CDK8: variants seen among roughly 807,000 people sequenced by gnomAD.
The protein encoded by CDK8 is cyclin dependent kinase 8.
A neutral mutation model predicts 71.5 loss-of-function variants in CDK8; 29 were observed. That is an observed-to-expected ratio of 0.41 (90% CI 0.30 to 0.55). The LOEUF (loss-of-function observed/expected upper bound fraction) is 0.55, where lower values mean the gene tolerates loss of function less well. Ranked by LOEUF, CDK8 falls within the 20% of genes least tolerant of loss-of-function variation. CDK8 has a pLI of 0.37. For synonymous variants in CDK8, 161 were observed against 192.1 expected (o/e 0.84, Z 1.34); for missense variants, 288 against 572.6 (o/e 0.50, Z 5.07).
At chr13:26,333,846 A>G (rs1221332611) in intron 1 of CDK8, among the ~76,000 whole-genome samples, 2 of 152,206 alleles carry the variant, frequency 1.3e-5, no homozygotes, top group African/African-American at 4.8e-5. Flanking sequence ...GTAACCATTC[A>G]TTTAATCTGA....
intron 1 of CDK8, among the ~76,000 whole-genome samples, chr13:26,322,787 T>C (rs563848458): frequency 5.3e-5 from 8 of 152,190 alleles, no homozygotes; most frequent in Non-Finnish European, 1.2e-4. Flanking sequence ...GCTTGTTGCA[T>C]GGTTTTTCTG....
intron 1 of CDK8, among the ~76,000 whole-genome samples, chr13:26,266,886 T>A (rs1427062420): frequency 2.6e-5 from 4 of 152,216 alleles, no homozygotes; most frequent in Non-Finnish European, 5.9e-5. Context: ...TTTTTCTTTT[T>A]CTGATTATAA....
At chr13:26,330,615 C>G (rs555708776) in intron 1 of CDK8, among the ~76,000 whole-genome samples, 101 of 148,712 alleles carry the variant, frequency 6.8e-4, no homozygotes, top group Non-Finnish European at 1.4e-3. Flanking sequence ...TTTTTCCACT[C>G]TTCCTTCACG....
chr13:26,267,639 A>G (rs1263228195), intron 1 of CDK8, among the ~76,000 whole-genome samples: 1 of 152,218 alleles, frequency 6.6e-6, no homozygotes, highest in Non-Finnish European at 1.5e-5. Flanking sequence ...GGAGATCTAT[A>G]TCAGCACCTG....
At chr13:26,341,928 A>G (rs1873256185) in intron 2 of CDK8, among the ~76,000 whole-genome samples, 2 of 148,516 alleles carry the variant, frequency 1.3e-5, no homozygotes, top group Non-Finnish European at 3.0e-5. Context: ...TCTGTTTTCA[A>G]TTTTTTTTTT....
intron 4 of CDK8, among the ~76,000 whole-genome samples, chr13:26,365,980 A>G (rs1243238602): frequency 2.0e-5 from 3 of 152,132 alleles, no homozygotes; most frequent in Admixed American, 6.5e-5. Context: ...TGTGAAAAAA[A>G]ACCATAAAAA....
chr13:26,294,206 A>G (rs1593244981), intron 1 of CDK8, among the ~76,000 whole-genome samples: 2 of 151,528 alleles, frequency 1.3e-5, no homozygotes, highest in Non-Finnish European at 2.9e-5. Flanking sequence ...ATCATAGCTC[A>G]CTGCAGCCTC....
chr13:26,263,301 A>G (rs1192957882), intron 1 of CDK8, among the ~76,000 whole-genome samples: 3 of 151,728 alleles, frequency 2.0e-5, no homozygotes, highest in Non-Finnish European at 4.4e-5. Context: ...ACACCCGGCT[A>G]GTTTTTTATA....
At chr13:26,314,424 GC>G (rs1874421657) in intron 1 of CDK8, among the ~76,000 whole-genome samples, 1 of 152,130 alleles carries the variant, frequency 6.6e-6, no homozygotes, top group Non-Finnish European at 1.5e-5. Context: ...TGTAGCTATG[GC>G]TAATACATTT....
intron 2 of CDK8, among the ~76,000 whole-genome samples, chr13:26,342,148 C>T (rs190759016): frequency 1.7e-4 from 26 of 152,238 alleles, no homozygotes; most frequent in Admixed American, 4.6e-4. Context: ...CTCTTGACCT[C>T]GTGATCCGCC....
At chr13:26,394,619 TCCA>T (rs1047279052) in intron 7 of CDK8, among the ~76,000 whole-genome samples, 3 of 152,222 alleles carry the variant, frequency 2.0e-5, no homozygotes, top group Non-Finnish European at 2.9e-5. Context: ...TCTGAATGTG[TCCA>T]CCATTTCTGA....
intron 7 of CDK8, among the ~76,000 whole-genome samples, chr13:26,395,548 T>C (rs1875952020): frequency 1.3e-5 from 2 of 151,442 alleles, no homozygotes; most frequent in African/African-American, 4.9e-5. Flanking sequence ...CCTTTGCACC[T>C]AGTAGACTCT....
At chr13:26,282,043 C>A in intron 1 of CDK8, among the ~76,000 whole-genome samples, 1 of 151,608 alleles carries the variant, frequency 6.6e-6, no homozygotes. Context: ...AAAAAAAGAA[C>A]AAAGCCTCCA....
chr13:26,381,599 A>G (rs1241345030), intron 4 of CDK8, among the ~76,000 whole-genome samples: 2 of 152,160 alleles, frequency 1.3e-5, no homozygotes, highest in African/African-American at 4.8e-5. Context: ...GGAGCCCCAG[A>G]CTATTCAAAG....
At chr13:26,369,141 G>A (rs1874530425) in intron 4 of CDK8, among the ~76,000 whole-genome samples, 1 of 151,956 alleles carries the variant, frequency 6.6e-6, no homozygotes, top group South Asian at 2.1e-4. Flanking sequence ...TTGAAAGTTA[G>A]TAAAAGTCAG....
Position 26,254,593 on chromosome 13 carries a change from C to CA in CDK8, c.-49_-48insA. On this transcript the variant is annotated 5_prime_UTR_variant, in exon 1 of 13. In the 5' UTR this introduces an upstream ATG that the reference lacks. Coordinates refer to ENST00000381527, the MANE Select transcript of CDK8 (RefSeq NM_001260.3). This position sits in a 1 kb window ranked among gnomAD's most constrained non-coding sequence, Gnocchi z 6.7. ...GCCCGTGCTTCCCCGGTCCCCACCC[C>CA]TGCCCCCCGGCCCCCCGACCCAGCT... 25 of 1,244,710 alleles carry CA rather than the reference C, an allele frequency of 2.0e-5. No homozygotes were observed. The highest frequency in any genetic ancestry group is 2.7e-5 in the Non-Finnish European group (24 of 883,404). 77.1% of individuals were successfully genotyped at this position (1,244,710 alleles called of 1,614,324 possible).
intron 4 of CDK8, among the ~76,000 whole-genome samples, chr13:26,361,095 T>C (rs1215273869): frequency 1.3e-5 from 2 of 152,256 alleles, no homozygotes; most frequent in African/African-American, 2.4e-5. Context: ...TTTATGTCAC[T>C]TATTTTTCTC....
chr13:26,397,361 G>A (rs182442937), intron 9 of CDK8, 136 bp downstream of exon 9: 15 of 599,962 alleles, frequency 2.5e-5, no homozygotes, highest in Admixed American at 1.0e-4. Flanking sequence ...CAGAGATCTT[G>A]TTAGTGCATA....
At chr13:26,380,354 A>G (rs1260388620) in intron 4 of CDK8, among the ~76,000 whole-genome samples, 1 of 151,754 alleles carries the variant, frequency 6.6e-6, no homozygotes, top group African/African-American at 2.4e-5. Flanking sequence ...TAATTTTTGT[A>G]TTTTTTAGTA....
Sources: allele counts gnomAD v4.1 joint callset (sites outside exome capture counted in the v4.1 genomes callset), GRCh38; gene constraint gnomAD v4.1.1; non-coding constraint Gnocchi (gnomAD v3.1); transcripts MANE v1.5; gene names NCBI Gene and HGNC (gene_info 2026-07-23, HGNC 2026-07-21).